Variants in KDM6B observed in about 807,000 individuals in gnomAD.
The protein encoded by KDM6B is lysine-specific demethylase 6B.
In KDM6B, 22 loss-of-function variants were observed where a neutral mutation model predicts 150.4. The ratio of observed to expected loss-of-function variants is 0.15; its 90% CI spans 0.10 to 0.21. KDM6B has a LOEUF of 0.21. Ranked by LOEUF, KDM6B falls within the 10% of genes least tolerant of loss-of-function variation. The pLI is 1.00. For missense variants in KDM6B, 1,984 were observed against 2,234.3 expected (o/e 0.89, Z 2.26); for synonymous variants, 1,148 against 921.1 (o/e 1.25, Z -4.46).
intron 1 of KDM6B, among the ~76,000 whole-genome samples, chr17:7,839,194 C>G (rs182686310): frequency 6.6e-6 from 1 of 152,180 alleles, no homozygotes; most frequent in Admixed American, 6.5e-5. Context: ...GCTAAAAGAC[C>G]TAGCTTCTTG....
chr17:7,838,787 T>G (rs2078372396), intron 1 of KDM6B, among the ~76,000 whole-genome samples: 1 of 151,902 alleles, frequency 6.6e-6, no homozygotes, highest in Non-Finnish European at 1.5e-5. Flanking sequence ...CCTGGAGAGT[T>G]CTAGCCTGAA....
At chr17:7,836,652 C>T (rs911219594) in intron 1 of KDM6B, among the ~76,000 whole-genome samples, 18 of 152,200 alleles carry the variant, frequency 1.2e-4, no homozygotes, top group African/African-American at 3.4e-4. Context: ...GGGCTGCAGG[C>T]GGAGAGGAGG....
Position 7,846,078 on chromosome 17 carries a change from G to C in KDM6B, c.237G>C (p.Gly79=), listed in dbSNP as rs1253067045. 6.3e-7 allele frequency: 1 copy of C among 1,598,988 alleles called. No homozygotes were observed. Among genetic ancestry groups the C allele is most frequent in the South Asian group, 1.1e-5 (1 of 89,678 alleles). ...GHPSKPYYAP[G]APTPRPLHGK... ...CACCCCCACCCCTTCTGCTCTGTAG[G>C]GCGCCCACTCCAAGACCCCTCCATG... is the stretch of plus-strand genomic sequence containing the variant. The change falls in exon 7 of 24, where the codon GGG becomes GGC. Residue 79 remains glycine (G), a splice_region_variant and synonymous_variant. Transcript: ENST00000448097.
At position 7,845,885 on chromosome 17, in the gene KDM6B, A is replaced by G. The variant is rs751998041; in HGVS notation, c.151A>G (p.Ile51Val). 1.1e-5 allele frequency: 17 copies of G among 1,613,892 alleles called. No individual in the cohort carries two copies. The highest frequency in any genetic ancestry group is 4.4e-5 in the South Asian group (4 of 91,086). ...TTCTCTCTCCAGATGCTCAGCCAGC[A>G]TTGGGCAGCCCCCGCTTCCTGCTCC... is the stretch of plus-strand genomic sequence containing the variant. ...WLPGGRCSAS[I>V]GQPPLPAPLP... The change falls in exon 6 of 24, where the codon ATT (isoleucine) becomes GTT (valine). Residue 51 changes from isoleucine to valine, a missense_variant. Physicochemically the swap from Ile to Val is conservative, Grantham distance 29. This residue lies in a region of KDM6B where 337 missense variants were observed against 323.9 expected (regional missense o/e 1.04). Transcript: ENST00000448097.
rs1421374395 is a variant in KDM6B, at chr17:7,847,015, A to G, written c.908A>G (p.Gln303Arg). Residue 303 changes from glutamine (Q) to arginine (R), a missense_variant and splice_region_variant, in exon 10 of 24, where the codon CAG (glutamine) becomes CGG (arginine). By Grantham distance (43) the Gln-to-Arg change is conservative. Coordinates refer to ENST00000448097, the MANE Select transcript of KDM6B (RefSeq NM_001348716.2). ...ERKGSAPPER[Q>R]EQRHSLPHPY... ...AAGGGTTCAGCACCCCCAGAGCGCC[A>G]GGTGAGCCCCTGCCTGTTGCCTTTC... The G allele has an allele frequency of 1.9e-6, 3 of 1,613,456 alleles. No homozygotes were observed. The highest frequency in any genetic ancestry group is 2.5e-6 in the Non-Finnish European group (3 of 1,179,860).
chr17:7,852,619 C>T lies in KDM6B; in HGVS notation c.4593C>T (p.Asp1531=). ...GCACGGTCAAAATCAGCGACCCCGA[C>T]TTGTTCAAGATGATCAAGTGAGGAC... The part of the protein sequence containing the change: ...VARTVKISDP[D]LFKMIKFCLL... The change falls in exon 21 of 24, where the codon GAC becomes GAT. Residue 1531 remains aspartate, a synonymous_variant. Transcript: ENST00000448097. 2 of 1,614,102 alleles carry T rather than the reference C, an allele frequency of 1.2e-6. No individual in the cohort carries two copies. Among genetic ancestry groups the T allele is most frequent in the South Asian group, 2.2e-5 (2 of 91,092 alleles).
chr17:7,837,311 G>C (rs1416704561), intron 1 of KDM6B, among the ~76,000 whole-genome samples: 2 of 151,954 alleles, frequency 1.3e-5, no homozygotes, highest in African/African-American at 4.8e-5. Flanking sequence ...CTACACACCA[G>C]CTTATCCCTG....
At chr17:7,845,713 T>A (rs1234333100) in intron 5 of KDM6B, 22 bp downstream of exon 5, 1 of 1,614,024 alleles carries the variant, frequency 6.2e-7, no homozygotes, top group South Asian at 1.1e-5. Context: ...GGGCCCTCTG[T>A]CTCCAGGCAC....
chr17:7,849,583 C>A lies in KDM6B; in HGVS notation c.3295C>A (p.Pro1099Thr). Residue 1099 changes from proline to threonine, a missense_variant, in exon 12 of 24, where the codon CCC (proline) becomes ACC (threonine). Pro to Thr is a conservative substitution (Grantham distance 38). Around this residue, in one of 13 missense-constraint regions of KDM6B, gnomAD observed 1,379 missense variants for 1,275.6 expected, o/e 1.08. Transcript: ENST00000448097. ...MLKLRSLSEG[P>T]PKELKIRLIK... ...GAAGCTGCGCTCACTTAGTGAGGGG[C>A]CCCCCAAGGAGCTGAAGATCCGGCT... 1.9e-6 allele frequency: 3 copies of A among 1,612,418 alleles called. No homozygotes were observed. Among genetic ancestry groups the A allele is most frequent in the Non-Finnish European group, 2.5e-6 (3 of 1,179,956 alleles).
chr17:7,849,509 C>T lies in KDM6B; in HGVS notation c.3221C>T (p.Ala1074Val). Residue 1074 changes from alanine to valine, a missense_variant, in exon 12 of 24, where the codon GCT (alanine) becomes GTT (valine). This residue lies in a region of KDM6B where 1,379 missense variants were observed against 1,275.6 expected (regional missense o/e 1.08). Transcript: ENST00000448097. The part of the protein sequence containing the change: ...PPSASVPGKK[A>V]REEAPGPPGV... ...TCAGCCTCTGTCCCTGGAAAGAAGG[C>T]TCGGGAGGAAGCCCCAGGGCCACCG... 3 of 1,612,892 alleles carry T rather than the reference C, an allele frequency of 1.9e-6. No homozygotes were observed. Among genetic ancestry groups the T allele is most frequent in the African/African-American group, 1.3e-5 (1 of 75,058 alleles).
Position 7,849,576 on chromosome 17 carries a change from T to C in KDM6B, c.3288T>C (p.Ser1096=), listed in dbSNP as rs781592215. The C allele has an allele frequency of 1.9e-6, 3 of 1,612,576 alleles. No individual in the cohort carries two copies. Among genetic ancestry groups the C allele is most frequent in the African/African-American group, 2.7e-5 (2 of 74,918 alleles). ...RADMLKLRSL[S]EGPPKELKIR... ...ACATGCTGAAGCTGCGCTCACTTAGTGAGGGGCCCCCCAAGGAGCTGAAGA... is the reference window on the plus strand; with the variant it reads ...ACATGCTGAAGCTGCGCTCACTTAGCGAGGGGCCCCCCAAGGAGCTGAAGA... Residue 1096 remains serine (S), a synonymous_variant, in exon 12 of 24, where the codon AGT becomes AGC. Coordinates refer to ENST00000448097, the MANE Select transcript of KDM6B (RefSeq NM_001348716.2).
chr17:7,849,582 G>T lies in KDM6B; in HGVS notation c.3294G>T (p.Gly1098=). The part of the protein sequence containing the change: ...DMLKLRSLSE[G]PPKELKIRLI... ...TGAAGCTGCGCTCACTTAGTGAGGG[G>T]CCCCCCAAGGAGCTGAAGATCCGGC... The change falls in exon 12 of 24, where the codon GGG becomes GGT. Residue 1098 remains glycine, a synonymous_variant. Transcript: ENST00000448097. 6.2e-7 allele frequency: 1 copy of T among 1,612,600 alleles called. No homozygotes were observed. Among genetic ancestry groups the T allele is most frequent in the Non-Finnish European group, 8.5e-7 (1 of 1,180,004 alleles).
chr17:7,847,303 A>G lies in KDM6B; in HGVS notation c.1108A>G (p.Met370Val), dbSNP rs1379722170. ...AGAGAGCAGAGTTCAGAGGTCGCGGATGGACTCCAGCGTTTCACCAGCAGC... is the reference window on the plus strand; with the variant it reads ...AGAGAGCAGAGTTCAGAGGTCGCGGGTGGACTCCAGCGTTTCACCAGCAGC... ...LRESRVQRSR[M>V]DSSVSPAATT... The change falls in exon 11 of 24, where the codon ATG becomes GTG. Residue 370 changes from methionine (M) to valine (V), a missense_variant. Met to Val is a conservative substitution (Grantham distance 21, BLOSUM62 1). This residue lies in a region of KDM6B where 1,379 missense variants were observed against 1,275.6 expected (regional missense o/e 1.08). Coordinates refer to ENST00000448097, the MANE Select transcript of KDM6B (RefSeq NM_001348716.2). 5 of 1,605,710 alleles carry G rather than the reference A, an allele frequency of 3.1e-6. No homozygotes were observed. The highest frequency in any genetic ancestry group is 4.2e-6 in the Non-Finnish European group (5 of 1,179,564).
Position 7,848,568 on chromosome 17 carries a change from C to T in KDM6B, c.2280C>T (p.Thr760=), listed in dbSNP as rs150343260. Residue 760 remains threonine (T), a synonymous_variant, in exon 12 of 24, where the codon ACC becomes ACT. Coordinates refer to ENST00000448097, the MANE Select transcript of KDM6B (RefSeq NM_001348716.2). ...AVTTTTTTTT[T]TTATQEEEKK... Reference sequence around the variant, plus strand: ...CCACCACCACCACCACCACCACCACCACCACGGCCACCCAGGAAGAGGAGA... The same window carrying T: ...CCACCACCACCACCACCACCACCACTACCACGGCCACCCAGGAAGAGGAGA... 4 of 1,553,350 alleles carry T rather than the reference C, an allele frequency of 2.6e-6. No individual in the cohort carries two copies. Among genetic ancestry groups the T allele is most frequent in the East Asian group, 2.3e-5 (1 of 42,770 alleles).
intron 2 of KDM6B, chr17:7,840,276 C>T (rs1220879725): frequency 1.3e-5 from 2 of 152,244 alleles, no homozygotes; most frequent in Non-Finnish European, 2.9e-5. Context: ...TCCCCACTAT[C>T]TCCCTAGTGC....
chr17:7,847,393 A>G lies in KDM6B; in HGVS notation c.1198A>G (p.Ser400Gly). ...TGGCCTCCCCGGCACCACCACCAGC[A>G]GCAGCAGTAGCAGCAGCAGCAACAC... Reference protein sequence around the residue: ...PPGLPGTTTSSSSSSSSNTGL... With the variant: ...PPGLPGTTTSGSSSSSSNTGL... The change falls in exon 11 of 24, where the codon AGC (serine) becomes GGC (glycine). Residue 400 changes from serine (S) to glycine (G), a missense_variant. Coordinates refer to ENST00000448097, the MANE Select transcript of KDM6B (RefSeq NM_001348716.2). 1 of 1,613,376 alleles carries G rather than the reference A, an allele frequency of 6.2e-7. No individual in the cohort carries two copies. The highest frequency in any genetic ancestry group is 1.1e-5 in the South Asian group (1 of 91,068).
chr17:7,834,707 C>T (rs1386371234), intron 1 of KDM6B, among the ~76,000 whole-genome samples: 1 of 152,010 alleles, frequency 6.6e-6, no homozygotes, highest in Non-Finnish European at 1.5e-5. Flanking sequence ...CAGGTCAATG[C>T]CATGGCCCAG....
intron 1 of KDM6B, 79 bp from the exon 2 acceptor site, chr17:7,839,827 C>T (rs2078387766): frequency 6.6e-6 from 1 of 152,266 alleles, no homozygotes; most frequent in Non-Finnish European, 1.5e-5. Context: ...CAGGTTTCTC[C>T]TTAATGAGGG....
At chr17:7,835,240 AG>A (rs773129091) in intron 1 of KDM6B, among the ~76,000 whole-genome samples, 2 of 151,488 alleles carry the variant, frequency 1.3e-5, no homozygotes, top group African/African-American at 2.4e-5. Context: ...AATAGTGGGG[AG>A]GGGGGCACGC....
Sources: gnomAD v4.1 joint callset for allele counts (sites outside exome capture counted in the v4.1 genomes callset) on GRCh38, gnomAD v4.1.1 for gene constraint, gnomAD v4.1.1 regional missense constraint, MANE v1.5 for transcripts, NCBI Gene and HGNC (gene_info 2026-07-23, HGNC 2026-07-21) for gene names.